Variants in TMEM135 observed in about 807,000 individuals in gnomAD.
TMEM135 encodes the protein transmembrane protein 135, also known as peroxisomal membrane protein 52.
A neutral mutation model predicts 60.3 loss-of-function variants in TMEM135; 30 were observed. That is an observed-to-expected ratio of 0.50 (90% confidence interval 0.37 to 0.68). The LOEUF (loss-of-function observed/expected upper bound fraction) is 0.68, where lower values mean the gene tolerates loss of function less well. TMEM135 is among the 30% of genes least tolerant of loss of function. TMEM135 has a pLI of 0.00. For synonymous variants in TMEM135, 190 were observed against 186.7 expected, an observed-to-expected ratio of 1.02 and a Z score of -0.14; for missense variants, 468 against 548.8, an observed-to-expected ratio of 0.85 and a Z score of 1.47.
chr11:87,248,836 G>A (rs987156210), intron 6 of TMEM135, among the ~76,000 whole-genome samples: 13 of 151,810 alleles, frequency 8.6e-5, no homozygotes, highest in African/African-American at 2.4e-4. Flanking sequence ...CATTTCTTTC[G>A]TTAATTCCTA....
chr11:87,226,141 G>T (rs1249336291), intron 5 of TMEM135, among the ~76,000 whole-genome samples: 2 of 152,116 alleles, frequency 1.3e-5, no homozygotes, highest in Non-Finnish European at 2.9e-5. Flanking sequence ...GGAACCATGG[G>T]AAAGAAAAGA....
At chr11:87,277,305 T>C in intron 6 of TMEM135, 1 of 377,856 alleles carries the variant, frequency 2.6e-6, no homozygotes, top group Non-Finnish European at 5.3e-6. Flanking sequence ...CTAATTTTTG[T>C]ATTTTTGTAG....
In TMEM135 at chr11:87,321,232, G is replaced by A; in HGVS notation, c.1276G>A (p.Val426Ile). 6.2e-7 allele frequency: 1 copy of A among 1,613,560 alleles called. No individual in the cohort carries two copies. Among genetic ancestry groups the A allele is most frequent in the Non-Finnish European group, 8.5e-7 (1 of 1,179,586 alleles). ...FAVMNRKVLDVFGTGASKHFQ... is the reference protein window; with the variant it reads ...FAVMNRKVLDIFGTGASKHFQ... The stretch of plus-strand genomic sequence containing the variant: ...TGTCATGAACCGAAAAGTCCTTGAT[G>A]TTTTTGGTACTGGTGCATCTAAACA... The change falls in exon 15 of 15, where the codon GTT becomes ATT. Residue 426 changes from valine to isoleucine, a missense_variant. Coordinates refer to ENST00000305494, the MANE Select transcript of TMEM135 (RefSeq NM_022918.4).
chr11:87,262,573 A>G (rs574071135), intron 6 of TMEM135, among the ~76,000 whole-genome samples: 9 of 152,106 alleles, frequency 5.9e-5, no homozygotes, highest in Non-Finnish European at 8.8e-5. Context: ...AGCTCTTTAC[A>G]TGCTATTAAT....
intron 6 of TMEM135, among the ~76,000 whole-genome samples, chr11:87,289,406 A>G (rs573524132): frequency 2.4e-5 from 3 of 123,514 alleles, no homozygotes; most frequent in African/African-American, 9.5e-5. Flanking sequence ...CATAGCTGTG[A>G]TTTTGTATCC....
At chr11:87,247,541 A>C (rs1328694097) in intron 6 of TMEM135, among the ~76,000 whole-genome samples, 3 of 152,028 alleles carry the variant, frequency 2.0e-5, no homozygotes, top group Non-Finnish European at 4.4e-5. Flanking sequence ...TTGTTTACCT[A>C]AGCAAGCCTG....
chr11:87,064,698 C>T (rs1256787959), intron 1 of TMEM135, among the ~76,000 whole-genome samples: 2 of 152,186 alleles, frequency 1.3e-5, no homozygotes, highest in Non-Finnish European at 2.9e-5. Flanking sequence ...GCCTGACCAA[C>T]ATGGCGAAGC....
intron 6 of TMEM135, among the ~76,000 whole-genome samples, chr11:87,290,682 C>A (rs1177767900): frequency 1.3e-5 from 2 of 152,118 alleles, no homozygotes; most frequent in Non-Finnish European, 2.9e-5. Flanking sequence ...ACATAGTATG[C>A]GATTCCAACC....
chr11:87,143,243 A>G (rs1379033607), intron 4 of TMEM135, among the ~76,000 whole-genome samples: 4 of 152,070 alleles, frequency 2.6e-5, no homozygotes, highest in Admixed American at 2.6e-4. Context: ...GAATTTTTTG[A>G]ACATGTTTTC....
At chr11:87,089,686 A>G (rs1565436065) in intron 3 of TMEM135, among the ~76,000 whole-genome samples, 1 of 152,182 alleles carries the variant, frequency 6.6e-6, no homozygotes, top group Non-Finnish European at 1.5e-5. Flanking sequence ...CTTGAGAAGC[A>G]CTTAACTTTT....
At chr11:87,231,321 G>A (rs1361675451) in intron 5 of TMEM135, among the ~76,000 whole-genome samples, 1 of 152,122 alleles carries the variant, frequency 6.6e-6, no homozygotes, top group African/African-American at 2.4e-5. Context: ...GTTTTTAATT[G>A]AGTAGTTAGC....
At chr11:87,265,682 TA>T (rs1244057788) in intron 6 of TMEM135, among the ~76,000 whole-genome samples, 1 of 152,204 alleles carries the variant, frequency 6.6e-6, no homozygotes, top group African/African-American at 2.4e-5. Context: ...AAGAAACACT[TA>T]ACTTTAAAAT....
At chr11:87,228,569 G>A (rs1375414855) in intron 5 of TMEM135, among the ~76,000 whole-genome samples, 2 of 152,110 alleles carry the variant, frequency 1.3e-5, no homozygotes, top group African/African-American at 4.8e-5. Flanking sequence ...GGGGAGATGA[G>A]TTTGGTGAAT....
intron 4 of TMEM135, among the ~76,000 whole-genome samples, chr11:87,100,191 A>G (rs958405002): frequency 9.9e-5 from 15 of 152,222 alleles, no homozygotes; most frequent in African/African-American, 3.6e-4. Flanking sequence ...ATGCTCAGTA[A>G]TTCAAAACTT....
chr11:87,189,110 C>T (rs576935243), intron 5 of TMEM135, among the ~76,000 whole-genome samples: 1 of 151,396 alleles, frequency 6.6e-6, no homozygotes, highest in South Asian at 2.1e-4. Context: ...TTTCCCTTTT[C>T]CTTTTCCTTT....
chr11:87,170,140 C>G (rs1258631240), intron 5 of TMEM135, among the ~76,000 whole-genome samples: 1 of 152,080 alleles, frequency 6.6e-6, no homozygotes, highest in Non-Finnish European at 1.5e-5. Flanking sequence ...TCCATCAGGT[C>G]ATTTATTTTC....
chr11:87,248,706 G>A (rs1205529740), intron 6 of TMEM135, among the ~76,000 whole-genome samples: 1 of 152,072 alleles, frequency 6.6e-6, no homozygotes, highest in Non-Finnish European at 1.5e-5. Context: ...GCTTTGGGTA[G>A]TGTGGACATT....
chr11:87,098,156 T>G (rs1857372938), intron 4 of TMEM135, among the ~76,000 whole-genome samples: 1 of 146,080 alleles, frequency 6.8e-6, no homozygotes, highest in South Asian at 2.2e-4. Context: ...TTTTTTTTTT[T>G]GTGAAAAATC....
chr11:87,081,554 AAG>A (rs1470477998), intron 3 of TMEM135, among the ~76,000 whole-genome samples: 4 of 152,198 alleles, frequency 2.6e-5, no homozygotes, highest in African/African-American at 9.6e-5. Context: ...ACCAAAGTAA[AAG>A]AGTGTTACTG....
Sources: gnomAD v4.1 joint callset for allele counts (sites outside exome capture counted in the v4.1 genomes callset) on GRCh38, gnomAD v4.1.1 for gene constraint, MANE v1.5 for transcripts, NCBI Gene and HGNC (gene_info 2026-07-23, HGNC 2026-07-21) for gene names.